Variants in PAPPA observed in about 807,000 individuals in gnomAD.
The protein encoded by PAPPA is pappalysin-1.
In PAPPA, 60 loss-of-function variants were observed where a neutral mutation model predicts 164.0. The ratio of observed to expected loss-of-function variants is 0.37; its 90% CI spans 0.30 to 0.45. The LOEUF (loss-of-function observed/expected upper bound fraction) is 0.45. PAPPA is among the 20% of genes least tolerant of loss of function. PAPPA has a pLI of 1.00. For missense variants in PAPPA, 1,782 were observed against 2,087.3 expected (o/e 0.85, Z 2.85); for synonymous variants, 875 against 814.1 (o/e 1.07, Z -1.27).
intron 1 of PAPPA, among the ~76,000 whole-genome samples, chr9:116,156,322 A>ATATATATATATACATG (rs1843602857): frequency 1.2e-4 from 12 of 96,292 alleles, no homozygotes; most frequent in South Asian, 5.6e-4. Context: ...ATATGTGTGT[A>ATATATATATATACATG]TATATATATG....
At chr9:116,272,053 T>G (rs752884714) in intron 9 of PAPPA, among the ~76,000 whole-genome samples, 8 of 152,122 alleles carry the variant, frequency 5.3e-5, no homozygotes, top group Non-Finnish European at 7.3e-5. Flanking sequence ...CTTCACCGAG[T>G]CATTTGGGAA....
rs767863600 is a variant in PAPPA, at chr9:116,352,741, C to T, written c.4000C>T (p.Leu1334=). Residue 1334 remains leucine, a synonymous_variant, in exon 16 of 22, where the codon CTG becomes TTG. Transcript: ENST00000328252. Reference sequence around the variant, plus strand: ...CCTCCTGACCTGCATGGAGGATGGGCTGTGGTCCTTCCCAGAGGCCCTGTG... The same window carrying T: ...CCTCCTGACCTGCATGGAGGATGGGTTGTGGTCCTTCCCAGAGGCCCTGTG... ...NSLLTCMEDG[L]WSFPEALCEL... is the part of the protein sequence containing the mutation. The T allele has an allele frequency of 1.9e-6, 3 of 1,613,244 alleles. No homozygotes were observed. The highest frequency in any genetic ancestry group is 2.5e-6 in the Non-Finnish European group (3 of 1,180,016).
chr9:116,333,034 C>A (rs1164992376), intron 12 of PAPPA, among the ~76,000 whole-genome samples: 1 of 152,060 alleles, frequency 6.6e-6, no homozygotes, highest in Non-Finnish European at 1.5e-5. Flanking sequence ...TCAGGTTCTA[C>A]CATGGGAGGA....
In PAPPA at chr9:116,319,936, T is replaced by A. The variant is rs1311596869; in HGVS notation, c.3148-11308T>A. Among the ~76,000 whole-genome samples, 16 of 152,326 alleles carry A rather than the reference T, an allele frequency of 1.1e-4. No homozygotes were observed. In the South Asian group the frequency reaches 3.1e-3, roughly 30 times the overall value. On this transcript the variant is annotated intron_variant, in intron 10 of 21. Transcript: ENST00000328252. ...AGCTTTACCACTTTCATGAATGGTG[T>A]CTTAGGCCTCTAACATAAGCTTTTC... is the stretch of plus-strand genomic sequence containing the variant.
At chr9:116,338,826 T>C (rs1397782037) in intron 13 of PAPPA, among the ~76,000 whole-genome samples, 1 of 152,256 alleles carries the variant, frequency 6.6e-6, no homozygotes, top group Admixed American at 6.5e-5. Flanking sequence ...CTCCGTATCC[T>C]TGGCAGTGCT....
At chr9:116,255,320 C>T (rs924216303) in intron 7 of PAPPA, among the ~76,000 whole-genome samples, 1 of 151,952 alleles carries the variant, frequency 6.6e-6, no homozygotes, top group Non-Finnish European at 1.5e-5. Flanking sequence ...GATGACTGAA[C>T]TACATTGAAT....
intron 19 of PAPPA, 80 bp downstream of exon 19, chr9:116,367,834 T>C (rs3827669): frequency 0.018 from 16,754 of 926,062 alleles, 515 homozygotes; most frequent in East Asian, 0.13. Context: ...ATGTCCCGGT[T>C]CTGAGTTCAT....
intron 9 of PAPPA, among the ~76,000 whole-genome samples, chr9:116,272,689 T>C (rs528476935): frequency 3.4e-4 from 52 of 152,334 alleles, no homozygotes; most frequent in African/African-American, 1.2e-3. Context: ...GGCAGGGCCT[T>C]GGGTTTTAAA....
At chr9:116,377,839 G>T (rs1846675342) in intron 20 of PAPPA, among the ~76,000 whole-genome samples, 192 bp downstream of exon 20, 1 of 152,150 alleles carries the variant, frequency 6.6e-6, no homozygotes, top group African/African-American at 2.4e-5. Context: ...GAGATATAAA[G>T]AAACATACTA....
chr9:116,271,191 G>A lies in PAPPA; in HGVS notation c.2862-134G>A, dbSNP rs3747823. 126,431 of 638,012 alleles carry A rather than the reference G, an allele frequency of 0.2. 14,201 individuals carry two copies. Among genetic ancestry groups the A allele is most frequent in the Admixed American group, 0.35 (12,855 of 37,046 alleles). 39.5% of individuals were successfully genotyped at this position (638,012 alleles called of 1,614,324 possible). ...GAAATCTCATTTTGAAGATGAAGAA[G>A]CAGAGACTCAGACAGAGAAAGGGAT... On this transcript the variant is annotated intron_variant, in intron 8 of 21. Transcript: ENST00000328252. This position sits in a 1 kb window ranked among gnomAD's most constrained non-coding sequence, Gnocchi z 4.2.
chr9:116,358,450 G>A (rs901661759), intron 17 of PAPPA, among the ~76,000 whole-genome samples: 2 of 152,206 alleles, frequency 1.3e-5, no homozygotes, highest in Non-Finnish European at 1.5e-5. Flanking sequence ...TAGATTGATT[G>A]CTTCATTTAA....
chr9:116,320,734 AGTGT>A (rs776689576), intron 10 of PAPPA, among the ~76,000 whole-genome samples: 6 of 151,858 alleles, frequency 4.0e-5, no homozygotes, highest in Non-Finnish European at 8.8e-5. Context: ...GTAAAAAGGA[AGTGT>A]GTGTGTATGT....
At chr9:116,296,483 A>G (rs985974557) in intron 9 of PAPPA, among the ~76,000 whole-genome samples, 1 of 152,210 alleles carries the variant, frequency 6.6e-6, no homozygotes, top group African/African-American at 2.4e-5. Context: ...GGACTCCACA[A>G]TTCTGTTCGC....
At chr9:116,230,519 A>T (rs1449867873) in intron 6 of PAPPA, among the ~76,000 whole-genome samples, 1 of 152,210 alleles carries the variant, frequency 6.6e-6, no homozygotes, top group Admixed American at 6.6e-5. Context: ...TGAAAATGGC[A>T]TTGTATCCAC....
At chr9:116,392,286 C>T (rs896127881) in intron 21 of PAPPA, among the ~76,000 whole-genome samples, 1 of 152,166 alleles carries the variant, frequency 6.6e-6, no homozygotes, top group Non-Finnish European at 1.5e-5. Context: ...TTTACTCTCA[C>T]TTGCTGAAAA....
chr9:116,369,114 C>T (rs1846539281), intron 19 of PAPPA, among the ~76,000 whole-genome samples: 1 of 151,986 alleles, frequency 6.6e-6, no homozygotes, highest in Admixed American at 6.6e-5. Context: ...CTGTCTTCCT[C>T]TCTCCCACAC....
At chr9:116,287,381 A>G (rs1845353286) in intron 9 of PAPPA, 2 of 152,312 alleles carry the variant, frequency 1.3e-5, no homozygotes, top group Admixed American at 1.3e-4. Context: ...AACTGTGAAT[A>G]AAGGACAAAT....
chr9:116,165,005 A>G (rs1344744403), intron 1 of PAPPA, among the ~76,000 whole-genome samples: 3 of 152,214 alleles, frequency 2.0e-5, no homozygotes, highest in African/African-American at 7.2e-5. Flanking sequence ...TATCCAAGTC[A>G]GTGACCAAGC....
At chr9:116,231,660 CGGATGGATGGATGGATGGATGGAT>C (rs199915317) in intron 6 of PAPPA, among the ~76,000 whole-genome samples, 50 of 143,292 alleles carry the variant, frequency 3.5e-4, no homozygotes, top group Admixed American at 1.0e-3. Flanking sequence ...AATGAATGGG[CGGATGGATGGATGGATGGATGGAT>C]GGATGGATGG....
Sources: allele counts gnomAD v4.1 joint callset (sites outside exome capture counted in the v4.1 genomes callset), GRCh38; gene constraint gnomAD v4.1.1; non-coding constraint Gnocchi (gnomAD v3.1); transcripts MANE v1.5; gene names NCBI Gene and HGNC (gene_info 2026-07-23, HGNC 2026-07-21).